GTSE1: variants seen among roughly 807,000 people sequenced by gnomAD.
GTSE1 encodes G2 and S phase-expressed protein 1.
Under a neutral mutation model 60.5 loss-of-function variants are expected in GTSE1, and 52 were observed. The observed-to-expected ratio is 0.86, with a 90% CI of 0.69 to 1.08. The LOEUF (loss-of-function observed/expected upper bound fraction) is 1.08, where lower values mean the gene tolerates loss of function less well. Ranked by LOEUF, GTSE1 falls within the 50% of genes least tolerant of loss-of-function variation. The pLI, the probability that GTSE1 is intolerant of heterozygous loss-of-function variation, is 0.00. For synonymous variants in GTSE1, 368 were observed against 386.5 expected, an observed-to-expected ratio of 0.95 and a Z score of 0.56; for missense variants, 937 against 961.8, an observed-to-expected ratio of 0.97 and a Z score of 0.34.
In GTSE1 at chr22:46,330,384, A is replaced by C. The variant is rs1467949445; in HGVS notation, c.*254A>C. ...GTAGTCCCAGCTACTTGGGAGGCTG[A>C]AGTGGGAGGATGGCCTGAGCTCAAG... is the stretch of plus-strand genomic sequence containing the variant. On this transcript the variant is annotated 3_prime_UTR_variant, in exon 12 of 12. Coordinates refer to ENST00000454366, the MANE Select transcript of GTSE1 (RefSeq NM_016426.7). The surrounding 1 kb of genome is among the most constrained non-coding windows in gnomAD (Gnocchi z 6.0). The C allele has an allele frequency of 2.6e-6, 1 of 386,704 alleles. No homozygotes were observed. The highest frequency in any genetic ancestry group is 5.2e-5 in the East Asian group (1 of 19,246). The allele number at this position is 386,704 out of a possible 1,614,324, so 24.0% of individuals were successfully genotyped here.
Position 46,308,717 on chromosome 22 carries a change from G to T in GTSE1, c.536G>T (p.Gly179Val), listed in dbSNP as rs780797269. The change falls in exon 4 of 12, where the codon GGT (glycine) becomes GTT (valine). Residue 179 changes from glycine to valine, a missense_variant. Gly to Val is a moderately radical substitution (Grantham distance 109). Coordinates refer to ENST00000454366, the MANE Select transcript of GTSE1 (RefSeq NM_016426.7). ...SDSPLLGPPV[G>V]EPRLLASSPA... ...AGCCCCTTGCTGGGGCCCCCTGTGG[G>T]TGAGCCTCGGCTCTTGGCCTCCTCC... The T allele has an allele frequency of 1.2e-6, 2 of 1,613,542 alleles. No homozygotes were observed. The highest frequency in any genetic ancestry group is 3.3e-5 in the Admixed American group (2 of 60,016).
chr22:46,310,715 G>T lies in GTSE1; in HGVS notation c.763-1426G>T, dbSNP rs367893615. Among the ~76,000 whole-genome samples the T allele has an allele frequency of 3.9e-5, 6 of 152,298 alleles. No individual in the cohort carries two copies. In the East Asian group the frequency reaches 7.7e-4, roughly 20 times the overall value. ...AAGCCAAGGTGGGCGAATCACCTGA[G>T]GTCAGGAGTTTGAGCCCAGCCCGGC... On this transcript the variant is annotated intron_variant, in intron 4 of 11. Transcript: ENST00000454366. The surrounding 1 kb of genome is among the most constrained non-coding windows in gnomAD (Gnocchi z 4.4).
intron 2 of GTSE1, among the ~76,000 whole-genome samples, chr22:46,300,733 G>A (rs9627394): frequency 0.036 from 5,528 of 152,274 alleles, 337 homozygotes; most frequent in African/African-American, 0.13. Context: ...GGGACCCCTC[G>A]GAGCCAGTCA....
At chr22:46,303,468 C>A (rs1219232307) in intron 2 of GTSE1, among the ~76,000 whole-genome samples, 1 of 152,106 alleles carries the variant, frequency 6.6e-6, no homozygotes, top group Non-Finnish European at 1.5e-5. Context: ...TGATTTGTTT[C>A]TCGTGTCTAT....
rs141650715 is a variant in GTSE1, at chr22:46,316,052, A to T, written c.1072A>T (p.Ser358Cys). ...VGKAKSSEFA[S>C]IPANSSRPLS... ...TCTAGCTAAATCAAGTGAATTTGCA[A>T]GTATTCCTGCAAATAGCTCCCGGCC... The change falls in exon 7 of 12, where the codon AGT becomes TGT. Residue 358 changes from serine (S) to cysteine (C), a missense_variant. Coordinates refer to ENST00000454366, the MANE Select transcript of GTSE1 (RefSeq NM_016426.7). The surrounding 1 kb of genome is among the most constrained non-coding windows in gnomAD (Gnocchi z 5.0). 1 of 1,512,318 alleles carries T rather than the reference A, an allele frequency of 6.6e-7. No individual in the cohort carries two copies. The highest frequency in any genetic ancestry group is 8.9e-7 in the Non-Finnish European group (1 of 1,129,392). 93.7% of individuals were successfully genotyped at this position (1,512,318 alleles called of 1,614,324 possible).
At chr22:46,312,437 C>A in intron 5 of GTSE1, 132 bp downstream of exon 5, 1 of 787,784 alleles carries the variant, frequency 1.3e-6, no homozygotes, top group Non-Finnish European at 2.0e-6. Flanking sequence ...CCCAGGAGTT[C>A]AAGACCAGCC....
At chr22:46,323,155 T>G in intron 7 of GTSE1, 35 bp from the exon 8 acceptor site, 1 of 1,477,460 alleles carries the variant, frequency 6.8e-7, no homozygotes, top group Non-Finnish European at 9.5e-7. Context: ...CCCTGATCAC[T>G]TTACCTGACC....
At position 46,297,969 on chromosome 22, in the gene GTSE1, T is replaced by G. The variant is rs933034542; in HGVS notation, c.79+490T>G. Among the ~76,000 whole-genome samples the G allele has an allele frequency of 5.9e-5, 9 of 152,046 alleles. No homozygotes were observed. Among genetic ancestry groups the G allele is most frequent in the African/African-American group, 2.2e-4 (9 of 41,336 alleles). On this transcript the variant is annotated intron_variant, in intron 2 of 11. Coordinates refer to ENST00000454366, the MANE Select transcript of GTSE1 (RefSeq NM_016426.7). This position sits in a 1 kb window ranked among gnomAD's most constrained non-coding sequence, Gnocchi z 4.9. ...CTCTCAAAGCGTTTTTATTTATTTA[T>G]TTATTTATTTATTGACGGAGTCTCG...
chr22:46,312,273 C>T lies in GTSE1; in HGVS notation c.895C>T (p.Gln299Ter). The T allele has an allele frequency of 6.2e-7, 1 of 1,613,854 alleles. No homozygotes were observed. The highest frequency in any genetic ancestry group is 8.5e-7 in the Non-Finnish European group (1 of 1,179,900). The change falls in exon 5 of 12, where the codon CAG becomes TAG. Residue 299 changes from glutamine to a stop codon, truncating the protein, a stop_gained. Coordinates refer to ENST00000454366, the MANE Select transcript of GTSE1 (RefSeq NM_016426.7). LOFTEE classifies it high-confidence loss of function. ...NVPAAGSHLGQGKRAIPVPNK... is the reference protein window; with the variant it reads ...NVPAAGSHLG ...GCCGGCCGCCGGAAGCCACTTGGGC[C>T]AGGGCAAGCGGGCGATCCCTGTTCC...
At position 46,321,410 on chromosome 22, in the gene GTSE1, G is replaced by A. The variant is rs1229811261; in HGVS notation, c.1433-1780G>A. The stretch of plus-strand genomic sequence containing the variant: ...CAGAGCAAGACCTTGTTTCTTGTAA[G>A]AAAGAAAAGAAACAAACAAACTGAA... On this transcript the variant is annotated intron_variant, in intron 7 of 11. Transcript: ENST00000454366. This position sits in a 1 kb window ranked among gnomAD's most constrained non-coding sequence, Gnocchi z 4.0. Among the ~76,000 whole-genome samples the A allele has an allele frequency of 6.6e-6, 1 of 152,016 alleles. No homozygotes were observed. The highest frequency in any genetic ancestry group is 2.4e-5 in the African/African-American group (1 of 41,396).
At chr22:46,308,229 C>T in intron 3 of GTSE1, 22 bp downstream of exon 3, 1 of 1,610,318 alleles carries the variant, frequency 6.2e-7, no homozygotes, top group Non-Finnish European at 8.5e-7. Flanking sequence ...AGTTTTCTTC[C>T]CTTGCCTTGG....
In GTSE1 at chr22:46,314,240, G is replaced by T. The variant is rs917719488; in HGVS notation, c.1051+227G>T. Among the ~76,000 whole-genome samples the T allele has an allele frequency of 9.9e-5, 15 of 152,216 alleles. 1 individual carries two copies. The South Asian group carries it at 1.2e-3, about 13-fold the overall frequency. Reference sequence around the variant, plus strand: ...CAGATGGGTGGCTTCAGTCTACGGGGTACACATGGCCAGAAAGCATGTATG... The same window carrying T: ...CAGATGGGTGGCTTCAGTCTACGGGTTACACATGGCCAGAAAGCATGTATG... On this transcript the variant is annotated intron_variant, in intron 6 of 11. Coordinates refer to ENST00000454366, the MANE Select transcript of GTSE1 (RefSeq NM_016426.7). This position sits in a 1 kb window ranked among gnomAD's most constrained non-coding sequence, Gnocchi z 7.1.
At chr22:46,308,004 A>G (rs1761170387) in intron 2 of GTSE1, 146 bp from the exon 3 acceptor site, 3 of 629,624 alleles carry the variant, frequency 4.8e-6, no homozygotes, top group Non-Finnish European at 8.4e-6. Context: ...GCCCCCTATG[A>G]AAAACTAAAT....
intron 5 of GTSE1, among the ~76,000 whole-genome samples, 195 bp downstream of exon 5, chr22:46,312,500 A>G (rs908110435): frequency 2.6e-5 from 4 of 152,012 alleles, no homozygotes; most frequent in African/African-American, 9.7e-5. Context: ...TTAGCTGGGC[A>G]TGGTGGTGAG....
rs2077705504 is a variant in GTSE1 at position 46,304,402 on chromosome 22, TA to T, written c.80-3746del. On this transcript the variant is annotated intron_variant, in intron 2 of 11. Transcript: ENST00000454366. This position sits in a 1 kb window ranked among gnomAD's most constrained non-coding sequence, Gnocchi z 4.4. ...ACTTCTGACGTTATCCCACTGAACC[TA>T]ATGCTGGCTTTGGGTTGAGATGGGG... Among the ~76,000 whole-genome samples, 1 of 152,246 alleles carries T rather than the reference TA, an allele frequency of 6.6e-6. No homozygotes were observed. Among genetic ancestry groups the T allele is most frequent in the East Asian group, 1.9e-4 (1 of 5,204 alleles).
chr22:46,300,646 C>A (rs1162332065), intron 2 of GTSE1, among the ~76,000 whole-genome samples: 1 of 152,190 alleles, frequency 6.6e-6, no homozygotes, highest in Non-Finnish European at 1.5e-5. Context: ...GTACCCCAAG[C>A]CTGCCTGGCA....
chr22:46,307,452 A>G (rs2077721430), intron 2 of GTSE1, among the ~76,000 whole-genome samples: 1 of 152,168 alleles, frequency 6.6e-6, no homozygotes, highest in Non-Finnish European at 1.5e-5. Context: ...ATTATATCTT[A>G]AAAGTAAGGA....
At position 46,323,170 on chromosome 22, in the gene GTSE1, A is replaced by G. The variant is rs188394544; in HGVS notation, c.1433-20A>G. The G allele has an allele frequency of 5.0e-6, 8 of 1,586,326 alleles. No homozygotes were observed. The African/African-American group carries it at 5.4e-5, about 11-fold the overall frequency. On this transcript the variant is annotated intron_variant, in intron 7 of 11. Transcript: ENST00000454366. ...CCCTGATCACTTTACCTGACCGCACACTTCCTTTCTTGGACTTAGGTGACT... is the reference window on the plus strand; with the variant it reads ...CCCTGATCACTTTACCTGACCGCACGCTTCCTTTCTTGGACTTAGGTGACT...
In GTSE1 at chr22:46,304,849, C is replaced by A. The variant is rs141914701; in HGVS notation, c.80-3301C>A. Among the ~76,000 whole-genome samples, 2 of 152,118 alleles carry A rather than the reference C, an allele frequency of 1.3e-5. No homozygotes were observed. Among genetic ancestry groups the A allele is most frequent in the African/African-American group, 4.8e-5 (2 of 41,386 alleles). ...CAAATATTAGCCAGGGATGGTTGTG[C>A]GTGCCTGTAGTCCCAGCTACTCGGG... On this transcript the variant is annotated intron_variant, in intron 2 of 11. Transcript: ENST00000454366. This position sits in a 1 kb window ranked among gnomAD's most constrained non-coding sequence, Gnocchi z 4.4.
Sources: gnomAD v4.1 joint callset for allele counts (sites outside exome capture counted in the v4.1 genomes callset) on GRCh38, gnomAD v4.1.1 for gene constraint, Gnocchi (gnomAD v3.1) non-coding constraint, MANE v1.5 for transcripts, NCBI Gene and HGNC (gene_info 2026-07-23, HGNC 2026-07-21) for gene names.